VPS26C: variants seen among roughly 807,000 people sequenced by gnomAD.
VPS26C encodes vacuolar protein sorting-associated protein 26C.
Under a neutral mutation model 30.6 loss-of-function variants are expected in VPS26C, and 19 were observed. The observed-to-expected ratio is 0.62, with a 90% CI of 0.43 to 0.91. The LOEUF is 0.91. Among genes scored for constraint, VPS26C ranks in the 40% least tolerant of loss-of-function variants. VPS26C has a pLI of 0.00. For synonymous variants in VPS26C, 132 were observed against 151.5 expected (o/e 0.87, Z 0.95); for missense variants, 318 against 385.1 (o/e 0.83, Z 1.46).
intron 4 of VPS26C, 103 bp from the exon 5 acceptor site, chr21:37,232,554 G>T (rs1041809567): frequency 7.2e-6 from 7 of 970,950 alleles, no homozygotes; most frequent in Non-Finnish European, 1.1e-5. Context: ...GCCTGGCGAT[G>T]CAGGAAGGAC....
chr21:37,262,636 G>A (rs2086316471), intron 1 of VPS26C, among the ~76,000 whole-genome samples: 1 of 152,208 alleles, frequency 6.6e-6, no homozygotes, highest in Admixed American at 6.5e-5. Flanking sequence ...AAGAGAACAA[G>A]TTGCGTGTGT....
At chr21:37,249,367 G>C (rs2086169236) in intron 1 of VPS26C, among the ~76,000 whole-genome samples, 2 of 152,124 alleles carry the variant, frequency 1.3e-5, no homozygotes, top group South Asian at 4.1e-4. Context: ...GATGACAGCT[G>C]GGTACAAAAT....
At chr21:37,264,385 C>A (rs1393746358) in intron 1 of VPS26C, among the ~76,000 whole-genome samples, 1 of 152,140 alleles carries the variant, frequency 6.6e-6, no homozygotes, top group Non-Finnish European at 1.5e-5. Flanking sequence ...ACTCTGTGAC[C>A]CGCAGGAAGT....
At chr21:37,263,847 A>T (rs553979594) in intron 1 of VPS26C, among the ~76,000 whole-genome samples, 37 of 152,332 alleles carry the variant, frequency 2.4e-4, no homozygotes, top group African/African-American at 8.2e-4. Context: ...TACGGAGAAA[A>T]GAGAAAATGT....
intron 1 of VPS26C, among the ~76,000 whole-genome samples, chr21:37,253,410 T>C (rs1168754413): frequency 6.6e-6 from 1 of 152,152 alleles, no homozygotes; most frequent in East Asian, 1.9e-4. Flanking sequence ...TGGTATAGTA[T>C]ACACACAGGC....
At chr21:37,253,874 A>G (rs2086217222) in intron 1 of VPS26C, among the ~76,000 whole-genome samples, 1 of 152,222 alleles carries the variant, frequency 6.6e-6, no homozygotes. Flanking sequence ...TTAAATATCT[A>G]CAAATACTCC....
At chr21:37,227,413 G>C in intron 7 of VPS26C, 1 of 528,754 alleles carries the variant, frequency 1.9e-6, no homozygotes, top group African/African-American at 1.9e-5. Context: ...TGTGACAGTG[G>C]AAGTCCCACA....
At chr21:37,248,731 CA>C (rs543527750) in intron 1 of VPS26C, among the ~76,000 whole-genome samples, 4 of 140,408 alleles carry the variant, frequency 2.8e-5, no homozygotes, top group African/African-American at 7.9e-5. Context: ...AAAAAAAAGC[CA>C]ACATAACAAT....
chr21:37,263,764 G>A (rs953432884), intron 1 of VPS26C, among the ~76,000 whole-genome samples: 1 of 152,178 alleles, frequency 6.6e-6, no homozygotes, highest in South Asian at 2.1e-4. Flanking sequence ...AGAATTGTAG[G>A]CATGGTGCTC....
At chr21:37,225,857 C>G (rs1386302372) in intron 7 of VPS26C, 33 of 572,500 alleles carry the variant, frequency 5.8e-5, no homozygotes, top group Admixed American at 3.2e-4. Context: ...AATTTTTGTC[C>G]TCTCATCTTG....
chr21:37,238,441 A>T lies in VPS26C; in HGVS notation c.351+19T>A. 6.2e-7 allele frequency: 1 copy of T among 1,608,726 alleles called. No homozygotes were observed. Among genetic ancestry groups the T allele is most frequent in the Non-Finnish European group, 8.5e-7 (1 of 1,176,750 alleles). On this transcript the variant is annotated intron_variant, in intron 3 of 7. Coordinates refer to ENST00000309117, the MANE Select transcript of VPS26C (RefSeq NM_006052.2). ...AGAAAACTTGTGAAGTCAGTCGCGT[A>T]GGACTAGGAAGCTCTCACCTGAATG...
Position 37,226,642 on chromosome 21 carries a change from G to A in VPS26C, c.811+1012C>T, listed in dbSNP as rs1322432691. On this transcript the variant is annotated intron_variant, in intron 7 of 7. Coordinates refer to ENST00000309117, the MANE Select transcript of VPS26C (RefSeq NM_006052.2). The surrounding 1 kb of genome is among the most constrained non-coding windows in gnomAD (Gnocchi z 4.1). ...CTGGCGGGGGCTTTCCTTTACAGCA[G>A]GAAAACAGCTGCACTGGAGCCGCCA... 2 of 152,438 alleles carry A rather than the reference G, an allele frequency of 1.3e-5. No individual in the cohort carries two copies. The highest frequency in any genetic ancestry group is 4.8e-5 in the African/African-American group (2 of 41,574). The allele number at this position is 152,438 out of a possible 1,614,324, so 9.4% of individuals were successfully genotyped here. A position where few individuals can be genotyped will look rare whatever the true frequency, so the allele number is the denominator to read the frequency against.
chr21:37,258,739 C>G (rs906591686), intron 1 of VPS26C, among the ~76,000 whole-genome samples: 1 of 152,080 alleles, frequency 6.6e-6, no homozygotes, highest in African/African-American at 2.4e-5. Context: ...ATCTAGCAAG[C>G]AGCTTGCAGG....
chr21:37,266,589 G>A (rs1205769637), intron 1 of VPS26C, among the ~76,000 whole-genome samples: 1 of 152,166 alleles, frequency 6.6e-6, no homozygotes, highest in Non-Finnish European at 1.5e-5. Flanking sequence ...AGGACACTGA[G>A]GCCCAAGGAG....
chr21:37,232,545 C>T lies in VPS26C; in HGVS notation c.433-94G>A, dbSNP rs542822472. 23 of 1,053,690 alleles carry T rather than the reference C, an allele frequency of 2.2e-5. No homozygotes were observed. The African/African-American group carries it at 2.6e-4, about 12-fold the overall frequency. The allele number at this position is 1,053,690 out of a possible 1,614,324, so 65.3% of individuals were successfully genotyped here. ...CCTTTCAAAAATAAACCAACGGCAG[C>T]CTGGCGATGCAGGAAGGACGGGGAA... On this transcript the variant is annotated intron_variant, in intron 4 of 7. Transcript: ENST00000309117.
Position 37,233,194 on chromosome 21 carries a change from C to T in VPS26C, c.432+168G>A, listed in dbSNP as rs7279540. ...ACTCTGGGCCCAGGACAATGATGCACACGTGATGCGCATGCCACCGACTGT... is the reference window on the plus strand; with the variant it reads ...ACTCTGGGCCCAGGACAATGATGCATACGTGATGCGCATGCCACCGACTGT... On this transcript the variant is annotated intron_variant, in intron 4 of 7. Transcript: ENST00000309117. This position sits in a 1 kb window ranked among gnomAD's most constrained non-coding sequence, Gnocchi z 5.2. 0.027 allele frequency: 16,882 copies of T among 624,762 alleles called. 1,042 individuals carry two copies. The highest frequency in any genetic ancestry group is 0.15 in the Admixed American group (5,956 of 38,700). 38.7% of individuals were successfully genotyped at this position (624,762 alleles called of 1,614,324 possible).
At chr21:37,227,998 TTA>T (rs2085920391) in intron 6 of VPS26C, among the ~76,000 whole-genome samples, 192 bp from the exon 7 acceptor site, 1 of 152,212 alleles carries the variant, frequency 6.6e-6, no homozygotes, top group African/African-American at 2.4e-5. Context: ...CTCTCGTTTT[TTA>T]GAGTCAGGGT....
chr21:37,227,342 T>C (rs1368814812), intron 7 of VPS26C: 1 of 326,606 alleles, frequency 3.1e-6, no homozygotes, highest in Non-Finnish European at 5.7e-6. Context: ...TGCCCATGTC[T>C]ACACAGAGCT....
rs1292237711 is a variant in VPS26C at position 37,235,875 on chromosome 21, ATATAT to A, written c.352-2438_352-2434del. 6.7e-3 allele frequency among the ~76,000 whole-genome samples: 101 copies of A among 15,076 alleles called. No homozygotes were observed. In the East Asian group the frequency reaches 0.36, roughly 54 times the overall value. The allele number at this position is 15,076 out of a possible 152,430, so 9.9% of individuals were successfully genotyped here. On this transcript the variant is annotated intron_variant, in intron 3 of 7. Transcript: ENST00000309117. ...TGTATATATATATATATATATATAT[ATATAT>A]TTTTTTTTTTAATTAAAAAATTTTT... is the stretch of plus-strand genomic sequence containing the variant.
Sources: gnomAD v4.1 joint callset for allele counts (sites outside exome capture counted in the v4.1 genomes callset) on GRCh38, gnomAD v4.1.1 for gene constraint, Gnocchi (gnomAD v3.1) non-coding constraint, MANE v1.5 for transcripts, NCBI Gene and HGNC (gene_info 2026-07-23, HGNC 2026-07-21) for gene names.